The following MTUS2 variants were observed in gnomAD, a reference collection of about 807,000 sequenced individuals.
MTUS2 encodes microtubule-associated tumor suppressor candidate 2.
In MTUS2, 40 loss-of-function variants were observed where a neutral mutation model predicts 114.1. That is an observed-to-expected ratio of 0.35 (90% CI 0.27 to 0.46). MTUS2 has a LOEUF of 0.46. MTUS2 is among the 20% of genes least tolerant of loss of function. MTUS2 has a pLI of 1.00. For missense variants in MTUS2, 1,679 were observed against 1,705.4 expected (o/e 0.98, Z 0.27); for synonymous variants, 688 against 672.0 (o/e 1.02, Z -0.37).
rs1426652469 is a variant in MTUS2 at position 29,502,137 on chromosome 13, G to C, written c.3897-856G>C. Among the ~76,000 whole-genome samples the C allele has an allele frequency of 1.3e-5, 2 of 152,248 alleles. 1 individual carries two copies. The highest frequency in any genetic ancestry group is 6.3e-3 in the Middle Eastern group (2 of 316). ...AGAGGCACATAGGAAAGGCTGTGCT[G>C]GGGGCAGCAAGCTCTCTTTGCTCCG... On this transcript the variant is annotated intron_variant, in intron 15 of 15. Coordinates refer to ENST00000612955, the MANE Select transcript of MTUS2 (RefSeq NM_001033602.4).
chr13:28,909,886 C>A (rs922148124), intron 2 of MTUS2, among the ~76,000 whole-genome samples: 2 of 151,954 alleles, frequency 1.3e-5, no homozygotes, highest in Non-Finnish European at 2.9e-5. Context: ...GCAATTGTTT[C>A]TTTTTATTTT....
At chr13:29,462,939 G>C (rs1879616405) in intron 9 of MTUS2, among the ~76,000 whole-genome samples, 1 of 152,106 alleles carries the variant, frequency 6.6e-6, no homozygotes, top group South Asian at 2.1e-4. Context: ...AACCTCCTGT[G>C]GTTAATGGAC....
At chr13:29,135,011 A>G (rs1891920216) in intron 5 of MTUS2, among the ~76,000 whole-genome samples, 1 of 152,242 alleles carries the variant, frequency 6.6e-6, no homozygotes, top group African/African-American at 2.4e-5. Context: ...CAAGGTCCGA[A>G]AATATTAAAT....
Position 29,035,882 on chromosome 13 carries a change from C to T in MTUS2, c.2446+1757C>T, listed in dbSNP as rs141570364. 3.1e-3 allele frequency among the ~76,000 whole-genome samples: 476 copies of T among 152,140 alleles called. 2 individuals carry two copies. Among genetic ancestry groups the T allele is most frequent in the African/African-American group, 5.3e-3 (222 of 41,530 alleles). ...AAACCAGGCTTGGCGTGGTGGCTCACGACTGTAATCCCAGCACTTTGGGAG... is the reference window on the plus strand; with the variant it reads ...AAACCAGGCTTGGCGTGGTGGCTCATGACTGTAATCCCAGCACTTTGGGAG... On this transcript the variant is annotated intron_variant, in intron 4 of 15. Coordinates refer to ENST00000612955, the MANE Select transcript of MTUS2 (RefSeq NM_001033602.4).
chr13:28,990,690 G>A (rs1884803578), intron 2 of MTUS2, among the ~76,000 whole-genome samples: 1 of 135,202 alleles, frequency 7.4e-6, no homozygotes, highest in Admixed American at 7.8e-5. Context: ...CAATCAGCAG[G>A]ACATGGGCGG....
chr13:29,281,765 A>G lies in MTUS2; in HGVS notation c.2706A>G (p.Thr902=). The change falls in exon 6 of 16, where the codon ACA becomes ACG. Residue 902 remains threonine, a synonymous_variant. Transcript: ENST00000612955. Reference sequence around the variant, plus strand: ...AGGCATCTCTGCCTTCTAAGGACACACCCAAGGGGGCCGGCCGGGTGGCCC... The same window carrying G: ...AGGCATCTCTGCCTTCTAAGGACACGCCCAAGGGGGCCGGCCGGGTGGCCC... The part of the protein sequence containing the change: ...VLKASLPSKD[T]PKGAGRVAPP... The G allele has an allele frequency of 6.2e-7, 1 of 1,612,282 alleles. No individual in the cohort carries two copies. Among genetic ancestry groups the G allele is most frequent in the Non-Finnish European group, 8.5e-7 (1 of 1,178,538 alleles).
At chr13:28,877,405 A>G (rs1235526544) in intron 2 of MTUS2, among the ~76,000 whole-genome samples, 1 of 152,170 alleles carries the variant, frequency 6.6e-6, no homozygotes, top group African/African-American at 2.4e-5. Flanking sequence ...AATTTATAAT[A>G]AAACAACTTG....
intron 4 of MTUS2, among the ~76,000 whole-genome samples, chr13:29,090,092 T>G (rs531882583): frequency 2.0e-5 from 3 of 152,320 alleles, no homozygotes; most frequent in African/African-American, 7.2e-5. Flanking sequence ...AGTTGCTGTT[T>G]TTTGGGTGAA....
At chr13:29,403,782 T>C (rs1874536355) in intron 8 of MTUS2, among the ~76,000 whole-genome samples, 1 of 152,186 alleles carries the variant, frequency 6.6e-6, no homozygotes, top group Non-Finnish European at 1.5e-5. Flanking sequence ...TGACTTCAGA[T>C]CTTGGAACTT....
At chr13:29,474,233 G>A (rs1009478677) in intron 9 of MTUS2, among the ~76,000 whole-genome samples, 1 of 152,134 alleles carries the variant, frequency 6.6e-6, no homozygotes, top group Non-Finnish European at 1.5e-5. Flanking sequence ...ATTTATTTAA[G>A]ACAACAGTGC....
intron 5 of MTUS2, among the ~76,000 whole-genome samples, chr13:29,197,428 A>G (rs570104788): frequency 1.5e-4 from 23 of 152,230 alleles, no homozygotes; most frequent in Admixed American, 7.2e-4. Context: ...ATAGTATTCC[A>G]TGGTGTATAT....
At chr13:28,979,564 G>T (rs1884267168) in intron 2 of MTUS2, among the ~76,000 whole-genome samples, 2 of 152,154 alleles carry the variant, frequency 1.3e-5, no homozygotes, top group Admixed American at 1.3e-4. Flanking sequence ...TTGAGGAAAA[G>T]ATTTAGAAAT....
chr13:29,015,635 A>G (rs1886033254), intron 2 of MTUS2, among the ~76,000 whole-genome samples: 1 of 152,204 alleles, frequency 6.6e-6, no homozygotes, highest in Non-Finnish European at 1.5e-5. Context: ...TTGTGCATTC[A>G]CTGATTTTCT....
Position 29,040,383 on chromosome 13 carries a change from G to T in MTUS2, c.2446+6258G>T, listed in dbSNP as rs1268272952. 2.2e-4 allele frequency among the ~76,000 whole-genome samples: 34 copies of T among 152,150 alleles called. 1 individual carries two copies. Among genetic ancestry groups the T allele is most frequent in the Admixed American group, 2.2e-3 (34 of 15,284 alleles). ...CACTCGTTAATTGATGGGCATTTGG[G>T]CTGATTCCATATTTTTGCAATTGCG... On this transcript the variant is annotated intron_variant, in intron 4 of 15. Transcript: ENST00000612955.
chr13:29,471,694 A>G (rs1158003425), intron 9 of MTUS2, among the ~76,000 whole-genome samples: 2 of 151,320 alleles, frequency 1.3e-5, no homozygotes, highest in African/African-American at 4.9e-5. Flanking sequence ...AGGCGTGGAC[A>G]AGAGGAGAGG....
At chr13:28,935,133 G>A (rs993570654) in intron 2 of MTUS2, among the ~76,000 whole-genome samples, 3 of 141,796 alleles carry the variant, frequency 2.1e-5, no homozygotes, top group Non-Finnish European at 4.5e-5. Context: ...ATGACATTTT[G>A]TAGTTCTTTT....
In MTUS2 at chr13:29,502,929, T is replaced by C. The variant is rs939931301; in HGVS notation, c.3897-64T>C. On this transcript the variant is annotated intron_variant, in intron 15 of 15. Coordinates refer to ENST00000612955, the MANE Select transcript of MTUS2 (RefSeq NM_001033602.4). ...CTCCTCCCTTTGCCCTGCACCATTG[T>C]CCTGACCTCAGGTTCAGTGTCCACT... 1.2e-4 allele frequency: 187 copies of C among 1,536,056 alleles called. 1 individual carries two copies. The African/African-American group carries it at 2.3e-3, about 19-fold the overall frequency.
chr13:28,847,120 T>C lies in MTUS2; in HGVS notation c.-243+7270T>C, dbSNP rs372034704. 1.2e-3 allele frequency among the ~76,000 whole-genome samples: 186 copies of C among 152,316 alleles called. 2 individuals carry two copies. Among genetic ancestry groups the C allele is most frequent in the African/African-American group, 4.3e-3 (177 of 41,582 alleles). Reference sequence around the variant, plus strand: ...CCTCGTCAGGTTCCTGCTGAGCCAGTGTGCTGTATTGTATTTAGGATGGCA... The same window carrying C: ...CCTCGTCAGGTTCCTGCTGAGCCAGCGTGCTGTATTGTATTTAGGATGGCA... On this transcript the variant is annotated intron_variant, in intron 2 of 15. Coordinates refer to ENST00000612955, the MANE Select transcript of MTUS2 (RefSeq NM_001033602.4).
intron 2 of MTUS2, among the ~76,000 whole-genome samples, chr13:28,963,864 C>A (rs1305330078): frequency 2.6e-5 from 4 of 152,158 alleles, no homozygotes; most frequent in African/African-American, 7.2e-5. Flanking sequence ...ATTCACCCTC[C>A]TTCTTGAAAT....
Sources: allele counts gnomAD v4.1 joint callset (sites outside exome capture counted in the v4.1 genomes callset), GRCh38; gene constraint gnomAD v4.1.1; transcripts MANE v1.5; gene names NCBI Gene and HGNC (gene_info 2026-07-23, HGNC 2026-07-21).